MYO16: variants seen among roughly 807,000 people sequenced by gnomAD.
MYO16 encodes myosin XVI, also known as unconventional myosin-XVI.
MYO16 carries 94 observed loss-of-function variants against 205.3 expected under a neutral mutation model. The observed-to-expected ratio is 0.46, with a 90% CI of 0.39 to 0.54. The LOEUF is 0.54. Among genes scored for constraint, MYO16 ranks in the 20% least tolerant of loss-of-function variants. MYO16 has a pLI of 0.00. For missense variants in MYO16, 2,315 were observed against 2,387.5 expected (o/e 0.97, Z 0.63); for synonymous variants, 988 against 954.0 (o/e 1.04, Z -0.66).
At chr13:109,115,242 CAAAAAAAAA>C (rs61441934) in intron 28 of MYO16, among the ~76,000 whole-genome samples, 1 of 58,028 alleles carries the variant, frequency 1.7e-5, no homozygotes, top group Non-Finnish European at 2.8e-5. Flanking sequence ...CTACACCTCT[CAAAAAAAAA>C]AAAAAAAAAA....
chr13:109,169,486 G>T (rs540459075), intron 33 of MYO16, among the ~76,000 whole-genome samples: 2 of 152,150 alleles, frequency 1.3e-5, no homozygotes, highest in South Asian at 4.1e-4. Flanking sequence ...GAGAAATAGA[G>T]AAAATTGGCA....
chr13:109,130,085 G>C (rs1594110335), intron 31 of MYO16, among the ~76,000 whole-genome samples: 2 of 150,778 alleles, frequency 1.3e-5, no homozygotes, highest in East Asian at 3.9e-4. Context: ...CACATAATAT[G>C]AAAGCAAAGT....
intron 27 of MYO16, among the ~76,000 whole-genome samples, chr13:109,082,528 A>G (rs1888311734): frequency 6.6e-6 from 1 of 152,182 alleles, no homozygotes; most frequent in Non-Finnish European, 1.5e-5. Context: ...CCCTTCACTG[A>G]GATAAATAAT....
chr13:109,049,076 T>A (rs1456319309), intron 24 of MYO16: 1 of 82,006 alleles, frequency 1.2e-5, no homozygotes, highest in East Asian at 1.5e-3. Flanking sequence ...TTAATAATTA[T>A]TGAGTCTTTT....
intron 4 of MYO16, among the ~76,000 whole-genome samples, chr13:108,755,917 C>T (rs957650444): frequency 2.0e-5 from 3 of 152,050 alleles, no homozygotes; most frequent in African/African-American, 7.2e-5. Flanking sequence ...TCATGGTTGC[C>T]AATGTTAGGA....
chr13:108,999,462 A>G (rs964966289), intron 21 of MYO16, among the ~76,000 whole-genome samples: 9 of 152,186 alleles, frequency 5.9e-5, no homozygotes, highest in African/African-American at 2.2e-4. Context: ...GCATAATGCT[A>G]TTCAGGTTTC....
intron 20 of MYO16, among the ~76,000 whole-genome samples, chr13:108,975,987 A>G (rs1323168942): frequency 6.6e-6 from 1 of 152,160 alleles, no homozygotes; most frequent in East Asian, 1.9e-4. Context: ...GTCAACCCAC[A>G]TGCAATTCAC....
chr13:109,090,748 C>G (rs548795933), intron 27 of MYO16, among the ~76,000 whole-genome samples: 1 of 152,228 alleles, frequency 6.6e-6, no homozygotes, highest in South Asian at 2.1e-4. Flanking sequence ...TGAACTAGAA[C>G]GTTTTTGACA....
chr13:108,825,027 A>C (rs1161820926), intron 9 of MYO16, among the ~76,000 whole-genome samples: 2 of 152,132 alleles, frequency 1.3e-5, no homozygotes, highest in Non-Finnish European at 2.9e-5. Context: ...AAAACAGAAG[A>C]GCAGGGAATT....
intron 1 of MYO16, among the ~76,000 whole-genome samples, chr13:108,609,516 C>A (rs929053301): frequency 1.3e-5 from 2 of 152,126 alleles, no homozygotes; most frequent in Non-Finnish European, 2.9e-5. Context: ...ATTTTGAAGT[C>A]ATTAAGCTGA....
chr13:109,043,046 C>T (rs1166502698), intron 23 of MYO16, among the ~76,000 whole-genome samples: 1 of 152,016 alleles, frequency 6.6e-6, no homozygotes, highest in Non-Finnish European at 1.5e-5. Context: ...CCACGTAAAC[C>T]GGGTGCCATG....
Position 108,647,524 on chromosome 13 carries a change from G to A in MYO16, c.28+17652G>A, listed in dbSNP as rs578170787. On this transcript the variant is annotated intron_variant, in intron 1 of 34. Transcript: ENST00000457511. ...TTCACCCTTATGTATCTTTGCTTCTGCCAAACTGATAAGTGCTTGAAATTA... is the reference window on the plus strand; with the variant it reads ...TTCACCCTTATGTATCTTTGCTTCTACCAAACTGATAAGTGCTTGAAATTA... Among the ~76,000 whole-genome samples the A allele has an allele frequency of 2.2e-4, 34 of 152,182 alleles. 1 individual carries two copies. In the South Asian group the frequency reaches 7.1e-3, roughly 32 times the overall value.
intron 34 of MYO16, among the ~76,000 whole-genome samples, chr13:109,198,205 G>A (rs960182265): frequency 2.0e-5 from 3 of 152,030 alleles, no homozygotes; most frequent in Non-Finnish European, 4.4e-5. Flanking sequence ...TTGAGTACTA[G>A]CTTGAAATAT....
chr13:108,921,335 GT>G (rs1412092563), intron 16 of MYO16, among the ~76,000 whole-genome samples: 1 of 152,132 alleles, frequency 6.6e-6, no homozygotes, highest in African/African-American at 2.4e-5. Context: ...CATGGTCCAT[GT>G]CCCAGTCCAA....
intron 16 of MYO16, among the ~76,000 whole-genome samples, chr13:108,948,969 T>C (rs1883041487): frequency 6.6e-6 from 1 of 152,234 alleles, no homozygotes; most frequent in South Asian, 2.1e-4. Context: ...AGCCTGCTCT[T>C]TGTTGTCAGG....
At chr13:109,102,751 T>C (rs1395025760) in intron 28 of MYO16, among the ~76,000 whole-genome samples, 1 of 152,098 alleles carries the variant, frequency 6.6e-6, no homozygotes, top group Admixed American at 6.6e-5. Context: ...TTCTTCTATA[T>C]TGGTGCTTTT....
At chr13:108,586,936 G>A in the MYO16 span, among the ~76,000 whole-genome samples, 1 of 152,170 alleles carries the variant, frequency 6.6e-6, no homozygotes, top group Non-Finnish European at 1.5e-5. Flanking sequence ...TTGAAGGCAG[G>A]AGTTTTCTTT....
At chr13:108,996,746 C>T (rs943610372) in intron 21 of MYO16, among the ~76,000 whole-genome samples, 3 of 152,070 alleles carry the variant, frequency 2.0e-5, no homozygotes, top group Non-Finnish European at 2.9e-5. Context: ...TAAAATAGTT[C>T]ATCATGTGCC....
At chr13:108,685,324 A>T (rs1882634754) in intron 2 of MYO16, among the ~76,000 whole-genome samples, 1 of 152,086 alleles carries the variant, frequency 6.6e-6, no homozygotes, top group African/African-American at 2.4e-5. Context: ...CCCAGCCGAG[A>T]ACCCCAATTT....
Sources: gnomAD v4.1 joint callset for allele counts (sites outside exome capture counted in the v4.1 genomes callset) on GRCh38, gnomAD v4.1.1 for gene constraint, MANE v1.5 for transcripts, NCBI Gene and HGNC (gene_info 2026-07-23, HGNC 2026-07-21) for gene names.